PHACTR2: variants seen among roughly 807,000 people sequenced by gnomAD.
PHACTR2 encodes the protein phosphatase and actin regulator 2.
PHACTR2 carries 30 observed loss-of-function variants against 76.0 expected under a neutral mutation model. The observed-to-expected ratio is 0.39, with a 90% CI of 0.30 to 0.54. The LOEUF (loss-of-function observed/expected upper bound fraction) is 0.54, where lower values mean the gene tolerates loss of function less well. Ranked by LOEUF, PHACTR2 falls within the 20% of genes least tolerant of loss-of-function variation. The probability of loss-of-function intolerance (pLI) is 0.61; values close to 1 mark genes in which losing one functional copy is unlikely to be tolerated. For synonymous variants in PHACTR2, 292 were observed against 292.5 expected (o/e 1.00, Z 0.02); for missense variants, 696 against 781.1 (o/e 0.89, Z 1.30).
At chr6:143,694,453 T>C (rs944664758) in intron 1 of PHACTR2, among the ~76,000 whole-genome samples, 1 of 152,216 alleles carries the variant, frequency 6.6e-6, no homozygotes, top group South Asian at 2.1e-4. Context: ...TGTGGCCACC[T>C]GACTGGTTTT....
rs1438797910 is a variant in PHACTR2 at position 143,608,463 on chromosome 6, C to A, written c.13+141C>A. On this transcript the variant is annotated intron_variant, in intron 1 of 11. Transcript: ENST00000305766. The surrounding 1 kb of genome is among the most constrained non-coding windows in gnomAD (Gnocchi z 4.6). ...CTGAGACGCGTGTAATATGTGAACC[C>A]CGATGCATTGTCCACAAGACAATTA... 6.3e-6 allele frequency: 5 copies of A among 790,218 alleles called. No individual in the cohort carries two copies. Among genetic ancestry groups the A allele is most frequent in the South Asian group, 2.9e-5 (2 of 67,954 alleles). 49.0% of individuals were successfully genotyped at this position (790,218 alleles called of 1,614,324 possible). A position where few individuals can be genotyped will look rare whatever the true frequency, so the allele number is the denominator to read the frequency against.
At chr6:143,559,026 C>T (rs2128428814) in intron 1 of PHACTR2, among the ~76,000 whole-genome samples, 1 of 152,256 alleles carries the variant, frequency 6.6e-6, no homozygotes, top group East Asian at 1.9e-4. Context: ...GCTTTTAGCC[C>T]CCTCGGCCCA....
chr6:143,664,631 G>A lies in PHACTR2; in HGVS notation c.14-47385G>A, dbSNP rs141532731. Among the ~76,000 whole-genome samples the A allele has an allele frequency of 8.4e-4, 127 of 151,952 alleles. No individual in the cohort carries two copies. Among genetic ancestry groups the A allele is most frequent in the Non-Finnish European group, 1.5e-3 (99 of 67,974 alleles). On this transcript the variant is annotated intron_variant, in intron 1 of 11. Transcript: ENST00000305766. This position sits in a 1 kb window ranked among gnomAD's most constrained non-coding sequence, Gnocchi z 5.1. ...TTATTTAGTACATATATCTTTCCCC[G>A]ATCAAAATCAGGACTTTAACATACA...
intron 1 of PHACTR2, among the ~76,000 whole-genome samples, chr6:143,567,994 C>T (rs1775386712): frequency 6.6e-6 from 1 of 152,200 alleles, no homozygotes; most frequent in Non-Finnish European, 1.5e-5. Context: ...CGCTATGCAT[C>T]TTTTCACATA....
Position 143,596,564 on chromosome 6 carries a change from CA to C in PHACTR2, c.217+59358del, listed in dbSNP as rs1377699832. On this transcript the variant is annotated intron_variant, in intron 1 of 11. Transcript: ENST00000367584. The surrounding 1 kb of genome is among the most constrained non-coding windows in gnomAD (Gnocchi z 4.6). ...TAAGAATCACAGCCATCAGGCCGGGCACTGTGGCTCATGCCTGTAATCCCAG... is the reference window on the plus strand; with the variant it reads ...TAAGAATCACAGCCATCAGGCCGGGCCTGTGGCTCATGCCTGTAATCCCAG... Among the ~76,000 whole-genome samples, 2 of 152,150 alleles carry C rather than the reference CA, an allele frequency of 1.3e-5. No homozygotes were observed. Among genetic ancestry groups the C allele is most frequent in the Non-Finnish European group, 2.9e-5 (2 of 68,036 alleles).
At chr6:143,551,221 C>T (rs928356775) in intron 1 of PHACTR2, among the ~76,000 whole-genome samples, 5 of 150,014 alleles carry the variant, frequency 3.3e-5, no homozygotes, top group African/African-American at 9.7e-5. Context: ...AGTAGATGCC[C>T]GAAACCTGCA....
At position 143,629,480 on chromosome 6, in the gene PHACTR2, G is replaced by C. The variant is rs781135688; in HGVS notation, c.13+21158G>C. ...CTAACCAGTACCTCACGGTGATGGAGAAATACAGTTTGGCATCCTAATGGT... is the reference window on the plus strand; with the variant it reads ...CTAACCAGTACCTCACGGTGATGGACAAATACAGTTTGGCATCCTAATGGT... On this transcript the variant is annotated intron_variant, in intron 1 of 11. Transcript: ENST00000305766. 2.0e-5 allele frequency among the ~76,000 whole-genome samples: 3 copies of C among 152,168 alleles called. No homozygotes were observed. In the South Asian group the frequency reaches 6.2e-4, roughly 32 times the overall value.
At chr6:143,666,987 C>A (rs148923193) in intron 1 of PHACTR2, among the ~76,000 whole-genome samples, 4 of 152,252 alleles carry the variant, frequency 2.6e-5, no homozygotes, top group African/African-American at 9.6e-5. Context: ...CCGAGGTTTT[C>A]TTCTAGGGTT....
In PHACTR2 at chr6:143,767,695, G is replaced by C. The variant is rs1217048568; in HGVS notation, c.1232+1897G>C. On this transcript the variant is annotated intron_variant, in intron 6 of 12. Transcript: ENST00000440869. This position sits in a 1 kb window ranked among gnomAD's most constrained non-coding sequence, Gnocchi z 4.4. ...ATGGTGGAAGGTGGAAGGGCAGAGA[G>C]CACAACAGAGTGAACCTACCCCTGT... Among the ~76,000 whole-genome samples, 1 of 152,146 alleles carries C rather than the reference G, an allele frequency of 6.6e-6. No homozygotes were observed. The highest frequency in any genetic ancestry group is 1.5e-5 in the Non-Finnish European group (1 of 68,018).
rs1777572097 is a variant in PHACTR2, at chr6:143,688,552, C to T, written c.46+10343C>T. ...GATTTTGTCCTCCAAGCCAGTTCTT[C>T]CCTTGACTTTCTACATTTCACCAAA... On this transcript the variant is annotated intron_variant, in intron 1 of 12. Coordinates refer to ENST00000440869, the MANE Select transcript of PHACTR2 (RefSeq NM_001100164.2). This position sits in a 1 kb window ranked among gnomAD's most constrained non-coding sequence, Gnocchi z 5.2. Among the ~76,000 whole-genome samples the T allele has an allele frequency of 6.6e-6, 1 of 152,180 alleles. No homozygotes were observed. Among genetic ancestry groups the T allele is most frequent in the Non-Finnish European group, 1.5e-5 (1 of 68,030 alleles).
At position 143,809,387 on chromosome 6, in the gene PHACTR2, T is replaced by G. The variant is rs187099825; in HGVS notation, c.1922+2254T>G. On this transcript the variant is annotated intron_variant, in intron 12 of 12. Coordinates refer to ENST00000440869, the MANE Select transcript of PHACTR2 (RefSeq NM_001100164.2). This position sits in a 1 kb window ranked among gnomAD's most constrained non-coding sequence, Gnocchi z 4.2. ...TTTTTGTTTGTTTGTTTGTTTGTTT[T>G]TTTAGTAGAGATGAGGTCTTGCTAT... Among the ~76,000 whole-genome samples, 834 of 152,270 alleles carry G rather than the reference T, an allele frequency of 5.5e-3. 3 individuals carry two copies. Among genetic ancestry groups the G allele is most frequent in the East Asian group, 7.1e-3 (37 of 5,184 alleles).
chr6:143,766,693 T>C (rs1369933671), intron 6 of PHACTR2, among the ~76,000 whole-genome samples: 1 of 152,226 alleles, frequency 6.6e-6, no homozygotes, highest in East Asian at 1.9e-4. Flanking sequence ...GGTTAGTTGC[T>C]TTACCACCAC....
In PHACTR2 at chr6:143,598,536, T is replaced by C. The variant is rs1775777837; in HGVS notation, c.217+61329T>C. ...ATTTGTTACAGTAGCAACAGGAAAC[T>C]AATACTGATGAAAAGATAATAGGAA... On this transcript the variant is annotated intron_variant, in intron 1 of 11. Coordinates refer to the PHACTR2 transcript ENST00000367584. This position sits in a 1 kb window ranked among gnomAD's most constrained non-coding sequence, Gnocchi z 4.1. Among the ~76,000 whole-genome samples the C allele has an allele frequency of 6.6e-6, 1 of 152,172 alleles. No individual in the cohort carries two copies. The highest frequency in any genetic ancestry group is 6.5e-5 in the Admixed American group (1 of 15,278).
chr6:143,584,579 G>A (rs1775606072), intron 1 of PHACTR2, among the ~76,000 whole-genome samples: 1 of 152,142 alleles, frequency 6.6e-6, no homozygotes, highest in Non-Finnish European at 1.5e-5. Flanking sequence ...ACCTCAGAAG[G>A]TCCAAACTCA....
Position 143,765,925 on chromosome 6 carries a change from A to T in PHACTR2, c.1232+127A>T, listed in dbSNP as rs1008193019. On this transcript the variant is annotated intron_variant, in intron 6 of 12. Coordinates refer to ENST00000440869, the MANE Select transcript of PHACTR2 (RefSeq NM_001100164.2). The surrounding 1 kb of genome is among the most constrained non-coding windows in gnomAD (Gnocchi z 4.1). ...TCTACTGAGTGTTAGGTAGGCATAC[A>T]TGTGATCCAACCATTGCTTTGTCAG... 6.5e-6 allele frequency: 5 copies of T among 768,272 alleles called. No homozygotes were observed. In the African/African-American group the frequency reaches 7.0e-5, roughly 11 times the overall value. 47.6% of individuals were successfully genotyped at this position (768,272 alleles called of 1,614,324 possible).
At chr6:143,771,196 A>ATG (rs1562300851) in intron 6 of PHACTR2, among the ~76,000 whole-genome samples, 10 of 36,446 alleles carry the variant, frequency 2.7e-4, no homozygotes, top group South Asian at 1.1e-3. Flanking sequence ...ATATGTGTGT[A>ATG]TATATATATA....
At position 143,826,005 on chromosome 6, in the gene PHACTR2, T is replaced by C. The variant is rs1025248876; in HGVS notation, c.*2316T>C. 1 of 151,600 alleles carries C rather than the reference T, an allele frequency of 6.6e-6. No homozygotes were observed. The highest frequency in any genetic ancestry group is 2.4e-5 in the African/African-American group (1 of 41,188). The allele number at this position is 151,600 out of a possible 1,614,324, so 9.4% of individuals were successfully genotyped here. A position where few individuals can be genotyped will look rare whatever the true frequency, so the allele number is the denominator to read the frequency against. On this transcript the variant is annotated 3_prime_UTR_variant, in exon 13 of 13. Coordinates refer to ENST00000440869, the MANE Select transcript of PHACTR2 (RefSeq NM_001100164.2). Reference sequence around the variant, plus strand: ...AACTACTCATACTTTTTCTTTACACTAATCGATACATTTAGAAAAAATTTT... The same window carrying C: ...AACTACTCATACTTTTTCTTTACACCAATCGATACATTTAGAAAAAATTTT...
chr6:143,654,559 C>T lies in PHACTR2; in HGVS notation c.13+46237C>T, dbSNP rs1382127718. Among the ~76,000 whole-genome samples the T allele has an allele frequency of 6.6e-6, 1 of 152,116 alleles. No homozygotes were observed. Among genetic ancestry groups the T allele is most frequent in the African/African-American group, 2.4e-5 (1 of 41,416 alleles). ...GTGGCTCACACCTGTAATCTTGGCA[C>T]TTTGGGAGACTGAGGTGGGAGGATC... On this transcript the variant is annotated intron_variant, in intron 1 of 11. Coordinates refer to the PHACTR2 transcript ENST00000305766. This position sits in a 1 kb window ranked among gnomAD's most constrained non-coding sequence, Gnocchi z 4.6.
intron 2 of PHACTR2, among the ~76,000 whole-genome samples, chr6:143,723,985 CAG>C (rs1217749726): frequency 1.3e-5 from 2 of 149,910 alleles, no homozygotes; most frequent in African/African-American, 4.9e-5. Context: ...TTTTTTGAGA[CAG>C]AGTCTTGCTG....
Sources: gnomAD v4.1 joint callset for allele counts (sites outside exome capture counted in the v4.1 genomes callset) on GRCh38, gnomAD v4.1.1 for gene constraint, Gnocchi (gnomAD v3.1) non-coding constraint, MANE v1.5 for transcripts, NCBI Gene and HGNC (gene_info 2026-07-23, HGNC 2026-07-21) for gene names.